The following TDRKH variants were observed in gnomAD, a reference collection of about 807,000 sequenced individuals.
The protein encoded by TDRKH is tudor and KH domain-containing protein.
TDRKH carries 28 observed loss-of-function variants against 61.3 expected under a neutral mutation model. That is an observed-to-expected ratio of 0.46 (90% CI 0.34 to 0.63). TDRKH has a LOEUF of 0.63. Among genes scored for constraint, TDRKH ranks in the 20% least tolerant of loss-of-function variants. The pLI is 0.01. For synonymous variants in TDRKH, 219 were observed against 244.4 expected (o/e 0.90, Z 0.97); for missense variants, 540 against 683.4 (o/e 0.79, Z 2.34).
chr1:151,784,212 G>A (rs1572008285), intron 1 of TDRKH, among the ~76,000 whole-genome samples: 1 of 152,172 alleles, frequency 6.6e-6, no homozygotes, highest in East Asian at 1.9e-4. Context: ...TCTGCTCCTA[G>A]CACTGAAGTC....
At chr1:151,779,927 A>G (rs764735975) in intron 4 of TDRKH, 24 bp downstream of exon 4, 72 of 1,594,216 alleles carry the variant, frequency 4.5e-5, no homozygotes, top group African/African-American at 1.6e-4. Flanking sequence ...AAAGGAAACA[A>G]TAGAGGAAGC....
At chr1:151,768,199 C>A, downstream of TDRKH, 4 of 1,613,534 alleles carry the variant, frequency 2.5e-6, no homozygotes, top group Non-Finnish European at 2.5e-6. Flanking sequence ...CCTGGATATC[C>A]CATATCAGGC....
downstream of TDRKH, among the ~76,000 whole-genome samples, chr1:151,773,131 C>T (rs1293469682): frequency 6.6e-6 from 1 of 152,078 alleles, no homozygotes. Context: ...CAACCTCCAC[C>T]TCCCAGGTTC....
intron 3 of TDRKH, among the ~76,000 whole-genome samples, chr1:151,781,279 T>C (rs1649741885): frequency 7.3e-6 from 1 of 137,610 alleles, no homozygotes; most frequent in Non-Finnish European, 1.6e-5. Flanking sequence ...ATCGTGCCAT[T>C]GCACTCCAGC....
chr1:151,769,970 G>GC (rs1648590312), downstream of TDRKH: 1 of 752,364 alleles, frequency 1.3e-6, no homozygotes, highest in Admixed American at 2.6e-5. Context: ...CACTCAGCAG[G>GC]CTGAGGCAGG....
intron 3 of TDRKH, among the ~76,000 whole-genome samples, chr1:151,781,111 T>A (rs1457850474): frequency 2.0e-5 from 3 of 148,958 alleles, no homozygotes; most frequent in Non-Finnish European, 3.0e-5. Flanking sequence ...AGGTCAGGAG[T>A]TCGAGATCAG....
intron 1 of TDRKH, among the ~76,000 whole-genome samples, chr1:151,788,268 T>A (rs1488411486): frequency 2.0e-5 from 3 of 152,214 alleles, no homozygotes. Flanking sequence ...CTATACTACA[T>A]GAATGAACTG....
chr1:151,784,095 G>A (rs1378573999), intron 1 of TDRKH, among the ~76,000 whole-genome samples: 1 of 152,084 alleles, frequency 6.6e-6, no homozygotes, highest in East Asian at 1.9e-4. Flanking sequence ...CACTAAAAAA[G>A]GAGAGCATTC....
intron 3 of TDRKH, 112 bp downstream of exon 3, chr1:151,781,369 C>T: frequency 1.8e-6 from 1 of 559,984 alleles, no homozygotes; most frequent in Non-Finnish European, 3.3e-6. Context: ...CACACATACA[C>T]ACACACACAG....
chr1:151,770,205 G>A (rs763241359), downstream of TDRKH: 3 of 1,613,902 alleles, frequency 1.9e-6, no homozygotes, highest in Non-Finnish European at 2.5e-6. Context: ...TGGAAGAGAA[G>A]ACAAATGTGG....
At chr1:151,781,056 C>T (rs542027680) in intron 3 of TDRKH, among the ~76,000 whole-genome samples, 1 of 151,868 alleles carries the variant, frequency 6.6e-6, no homozygotes, top group East Asian at 1.9e-4. Flanking sequence ...TGGCTCACAC[C>T]TGTAATCCCA....
chr1:151,770,135 C>A (rs770363840), downstream of TDRKH: 3 of 1,609,130 alleles, frequency 1.9e-6, no homozygotes, highest in Non-Finnish European at 2.5e-6. Flanking sequence ...GGAGAGGGAG[C>A]GGCCAAACAT....
intron 1 of TDRKH, among the ~76,000 whole-genome samples, chr1:151,786,442 A>G (rs1296674490): frequency 6.6e-6 from 1 of 152,242 alleles, no homozygotes; most frequent in African/African-American, 2.4e-5. Context: ...AGATTTCACC[A>G]TGCTAGTCAG....
At position 151,776,489 on chromosome 1, in the gene TDRKH, G is replaced by A. The variant is rs1479427032; in HGVS notation, c.994C>T (p.Gln332Ter). The change falls in exon 7 of 13, where the codon CAA becomes TAA. Residue 332 changes from glutamine to a stop codon, truncating the protein, a stop_gained. Transcript: ENST00000368824. LOFTEE classifies it high-confidence loss of function. ...WIQIVGSRSL[Q>*]LDKLVNEMTQ... ...ATCTCATTGACAAGCTTATCCAATTGCAGGCTGCGGGAGCCAACGATCTGG... is the reference window on the plus strand; with the variant it reads ...ATCTCATTGACAAGCTTATCCAATTACAGGCTGCGGGAGCCAACGATCTGG... The A allele has an allele frequency of 1.2e-6, 2 of 1,614,166 alleles. No individual in the cohort carries two copies. The highest frequency in any genetic ancestry group is 1.7e-5 in the Admixed American group (1 of 60,012).
downstream of TDRKH, chr1:151,771,027 TG>T: frequency 6.6e-7 from 1 of 1,523,024 alleles, no homozygotes; most frequent in Non-Finnish European, 8.8e-7. Flanking sequence ...GGGGCATACA[TG>T]TATTGAGTTT....
At chr1:151,788,170 A>T (rs780717340) in intron 1 of TDRKH, among the ~76,000 whole-genome samples, 18 of 152,246 alleles carry the variant, frequency 1.2e-4, no homozygotes, top group Non-Finnish European at 1.9e-4. Context: ...GACAGTTGAA[A>T]GTAGCTAGAA....
chr1:151,767,102 AC>A, downstream of TDRKH: 1 of 1,592,316 alleles, frequency 6.3e-7, no homozygotes, highest in Non-Finnish European at 8.6e-7. Context: ...AGAGCCTGGT[AC>A]TGTGTATCTT....
At chr1:151,773,449 GC>G (rs1253499275), downstream of TDRKH, 2 of 152,626 alleles carry the variant, frequency 1.3e-5, no homozygotes, top group Non-Finnish European at 2.9e-5. Context: ...TAGGCTCACA[GC>G]CTGCTTCCAC....
In TDRKH at chr1:151,776,242, T is replaced by A. The variant is rs1447141748; in HGVS notation, c.1071A>T (p.Gly357=). Residue 357 remains glycine (G), a synonymous_variant, in exon 8 of 13, where the codon GGA becomes GGT. Transcript: ENST00000368824. ...SVPEDLTVHV[G]DIVAAPLPTN... is the part of the protein sequence containing the mutation. ...TAGGTAAAGGTGCTGCTACAATGTC[T>A]CCTACATGCACAGTCAAGTCTTCAG... is the stretch of plus-strand genomic sequence containing the variant. 2 of 1,614,092 alleles carry A rather than the reference T, an allele frequency of 1.2e-6. No homozygotes were observed. Among genetic ancestry groups the A allele is most frequent in the Non-Finnish European group, 1.7e-6 (2 of 1,179,986 alleles).
Sources: allele counts gnomAD v4.1 joint callset (sites outside exome capture counted in the v4.1 genomes callset), GRCh38; gene constraint gnomAD v4.1.1; transcripts MANE v1.5; gene names NCBI Gene and HGNC (gene_info 2026-07-23, HGNC 2026-07-21).